CYTH4: variants seen among roughly 807,000 people sequenced by gnomAD.
CYTH4 encodes cytohesin 4, also known as cytohesin-4.
CYTH4 carries 22 observed loss-of-function variants against 57.5 expected under a neutral mutation model. The ratio of observed to expected loss-of-function variants is 0.38; its 90% CI spans 0.27 to 0.55. The LOEUF (loss-of-function observed/expected upper bound fraction) is 0.55. CYTH4 is among the 20% of genes least tolerant of loss of function. The pLI, the probability that CYTH4 is intolerant of heterozygous loss-of-function variation, is 0.74. For synonymous variants in CYTH4, 186 were observed against 206.5 expected (o/e 0.90, Z 0.85); for missense variants, 420 against 535.6 (o/e 0.78, Z 2.13).
intron 9 of CYTH4, 106 bp from the exon 10 acceptor site, chr22:37,310,882 C>T (rs1437860762): frequency 8.1e-7 from 1 of 1,227,546 alleles, no homozygotes; most frequent in Admixed American, 1.8e-5. Flanking sequence ...TTAGGGCACT[C>T]AGCTGGGGGT....
intron 6 of CYTH4, chr22:37,299,960 C>T (rs1601704486): frequency 1.5e-6 from 1 of 684,922 alleles, no homozygotes; most frequent in East Asian, 2.8e-5. Context: ...CACTGCACTC[C>T]AGCCTGGGCA....
intron 1 of CYTH4, among the ~76,000 whole-genome samples, chr22:37,285,959 G>A (rs577364050): frequency 1.3e-5 from 2 of 152,164 alleles, no homozygotes; most frequent in Non-Finnish European, 2.9e-5. Context: ...GAGGATTCAC[G>A]AACACACTTG....
Position 37,287,026 on chromosome 22 carries a change from T to C in CYTH4, c.19+4438T>C, listed in dbSNP as rs1928584825. On this transcript the variant is annotated intron_variant, in intron 1 of 12. Transcript: ENST00000248901. ...GGTGACAGCCAGGTGGGAGTCAGAGTGCCTCCTGGGGAAATGTGGACCATT... is the reference window on the plus strand; with the variant it reads ...GGTGACAGCCAGGTGGGAGTCAGAGCGCCTCCTGGGGAAATGTGGACCATT... Among the ~76,000 whole-genome samples the C allele has an allele frequency of 2.0e-5, 3 of 151,754 alleles. No homozygotes were observed. The South Asian group carries it at 6.2e-4, about 32-fold the overall frequency.
At position 37,300,108 on chromosome 22, in the gene CYTH4, C is replaced by T. The variant is rs547896713; in HGVS notation, c.435-799C>T. On this transcript the variant is annotated intron_variant, in intron 6 of 12. Transcript: ENST00000248901. ...AAATGGGAAAGTGTTTAAAACTGGT[C>T]CACAGTGAGTGCTTAGTAAGTCTTG... 37 of 717,542 alleles carry T rather than the reference C, an allele frequency of 5.2e-5. No homozygotes were observed. In the Middle Eastern group the frequency reaches 9.1e-4, roughly 18 times the overall value. 44.4% of individuals were successfully genotyped at this position (717,542 alleles called of 1,614,324 possible). A position where few individuals can be genotyped will look rare whatever the true frequency, so the allele number is the denominator to read the frequency against.
At chr22:37,286,735 G>T (rs1205240600) in intron 1 of CYTH4, among the ~76,000 whole-genome samples, 2 of 152,152 alleles carry the variant, frequency 1.3e-5, no homozygotes, top group Non-Finnish European at 2.9e-5. Context: ...GGCAGCCAGG[G>T]AGGCAGAGCA....
rs73884199 is a variant in CYTH4, at chr22:37,284,667, C to T, written c.19+2079C>T. Among the ~76,000 whole-genome samples, 681 of 152,290 alleles carry T rather than the reference C, an allele frequency of 4.5e-3. 5 individuals carry two copies. The highest frequency in any genetic ancestry group is 0.016 in the African/African-American group (662 of 41,554). On this transcript the variant is annotated intron_variant, in intron 1 of 12. Coordinates refer to ENST00000248901, the MANE Select transcript of CYTH4 (RefSeq NM_013385.5). ...GGACCTCGCTCAGGTTCCAGCTCTG[C>T]ACCACCCTGCCAGTGGTCATGGTCT...
chr22:37,305,865 G>C (rs554113943), intron 8 of CYTH4, among the ~76,000 whole-genome samples: 1 of 152,218 alleles, frequency 6.6e-6, no homozygotes, highest in African/African-American at 2.4e-5. Flanking sequence ...GCTGGGAAAG[G>C]CTGTGGAGAG....
chr22:37,307,191 G>A (rs1307615789), intron 8 of CYTH4, among the ~76,000 whole-genome samples: 1 of 152,200 alleles, frequency 6.6e-6, no homozygotes, highest in East Asian at 1.9e-4. Context: ...TTGCAGGAGA[G>A]GCTGGTGTTT....
At chr22:37,283,668 G>A (rs1928446883) in intron 1 of CYTH4, among the ~76,000 whole-genome samples, 1 of 152,150 alleles carries the variant, frequency 6.6e-6, no homozygotes. Flanking sequence ...GCCAAGGGAG[G>A]AAAACAGCCT....
Position 37,311,767 on chromosome 22 carries a change from G to C in CYTH4, c.957+240G>C. ...CCCACACAGCCCGACTGGCTGGATG[G>C]CCCCGAGTAAGCTCCACTCCATTCA... On this transcript the variant is annotated intron_variant, in intron 11 of 12. Transcript: ENST00000248901. The surrounding 1 kb of genome is among the most constrained non-coding windows in gnomAD (Gnocchi z 4.4). The C allele has an allele frequency of 1.5e-6, 1 of 653,208 alleles. No individual in the cohort carries two copies. Among genetic ancestry groups the C allele is most frequent in the East Asian group, 2.7e-5 (1 of 36,602 alleles). 40.5% of individuals were successfully genotyped at this position (653,208 alleles called of 1,614,324 possible).
At chr22:37,303,221 G>T in intron 7 of CYTH4, 33 bp from the exon 8 acceptor site, 1 of 1,611,950 alleles carries the variant, frequency 6.2e-7, no homozygotes, top group Non-Finnish European at 8.5e-7. Context: ...AGAGTGGCCA[G>T]GGCCAGAACT....
chr22:37,308,463 A>AGT (rs138404779), intron 8 of CYTH4, among the ~76,000 whole-genome samples: 5 of 129,224 alleles, frequency 3.9e-5, no homozygotes, highest in South Asian at 2.2e-4. Context: ...CATGTATATA[A>AGT]GTGTGTGTGT....
chr22:37,313,308 C>A, intron 12 of CYTH4, 131 bp from the exon 13 acceptor site: 1 of 860,830 alleles, frequency 1.2e-6, no homozygotes, highest in Admixed American at 2.0e-5. Flanking sequence ...TTGGGGCCAT[C>A]TGGCCTTTCC....
intron 1 of CYTH4, among the ~76,000 whole-genome samples, chr22:37,287,335 T>C (rs763082): frequency 0.58 from 88,094 of 151,816 alleles, 25,867 homozygotes; most frequent in South Asian, 0.78. Context: ...TTGGAGCATC[T>C]GTAGGAATGC....
At chr22:37,308,850 G>A (rs1929523495) in intron 8 of CYTH4, among the ~76,000 whole-genome samples, 1 of 147,052 alleles carries the variant, frequency 6.8e-6, no homozygotes. Flanking sequence ...GTGCCTGCAT[G>A]TGTGTGAACG....
Position 37,314,623 on chromosome 22 carries a change from TG to T in CYTH4, c.*1113del. Reference sequence around the variant, plus strand: ...CGGGTCCCAGCATCTCGAGACCCTCTGCAGAAGTATTATCAGAGTAGAGCTG... The same window carrying T: ...CGGGTCCCAGCATCTCGAGACCCTCTCAGAAGTATTATCAGAGTAGAGCTG... On this transcript the variant is annotated 3_prime_UTR_variant, in exon 13 of 13. Coordinates refer to ENST00000248901, the MANE Select transcript of CYTH4 (RefSeq NM_013385.5). The T allele has an allele frequency of 2.6e-6, 1 of 391,934 alleles. No individual in the cohort carries two copies. 24.3% of individuals were successfully genotyped at this position (391,934 alleles called of 1,614,324 possible).
Position 37,309,250 on chromosome 22 carries a change from C to T in CYTH4, c.735C>T (p.Ile245=). ...FDSIKSEPFS[I]PEDDGNDLTH... is the part of the protein sequence containing the mutation. ...GCATCAAGAGTGAGCCATTCTCCAT[C>T]CCTGAGGACGACGGCAATGACCTCA... is the stretch of plus-strand genomic sequence containing the variant. The change falls in exon 9 of 13, where the codon ATC becomes ATT. Residue 245 remains isoleucine (I), a synonymous_variant. Coordinates refer to ENST00000248901, the MANE Select transcript of CYTH4 (RefSeq NM_013385.5). The T allele has an allele frequency of 6.2e-7, 1 of 1,614,126 alleles. No individual in the cohort carries two copies. The highest frequency in any genetic ancestry group is 8.5e-7 in the Non-Finnish European group (1 of 1,179,996).
chr22:37,293,181 CT>C (rs1928813511), intron 2 of CYTH4, among the ~76,000 whole-genome samples: 1 of 152,258 alleles, frequency 6.6e-6, no homozygotes, highest in African/African-American at 2.4e-5. Flanking sequence ...AGCACTGCCC[CT>C]GGGCCTTTGC....
chr22:37,299,145 C>T (rs1929084049), intron 5 of CYTH4, 81 bp from the exon 6 acceptor site: 2 of 1,014,502 alleles, frequency 2.0e-6, no homozygotes, highest in African/African-American at 1.6e-5. Context: ...CCTCTCCCTC[C>T]CCCACCTCAA....
Sources: gnomAD v4.1 joint callset for allele counts (sites outside exome capture counted in the v4.1 genomes callset) on GRCh38, gnomAD v4.1.1 for gene constraint, Gnocchi (gnomAD v3.1) non-coding constraint, MANE v1.5 for transcripts, NCBI Gene and HGNC (gene_info 2026-07-23, HGNC 2026-07-21) for gene names.